TMC1: variants seen among roughly 807,000 people sequenced by gnomAD.
TMC1 encodes the protein transmembrane channel-like protein 1.
Under a neutral mutation model 105.8 loss-of-function variants are expected in TMC1, and 84 were observed. The ratio of observed to expected loss-of-function variants is 0.79; its 90% CI spans 0.67 to 0.95. The LOEUF is 0.95. TMC1 is among the 40% of genes least tolerant of loss of function. The pLI, the probability that TMC1 is intolerant of heterozygous loss-of-function variation, is 0.00. For synonymous variants in TMC1, 315 were observed against 311.5 expected (o/e 1.01, Z -0.12); for missense variants, 817 against 914.1 (o/e 0.89, Z 1.37).
intron 1 of TMC1, among the ~76,000 whole-genome samples, chr9:72,535,573 C>T (rs1237191683): frequency 2.6e-5 from 4 of 152,148 alleles, no homozygotes; most frequent in Admixed American, 1.3e-4. Context: ...AGCCACTCAT[C>T]CTGAGTTTTG....
chr9:72,796,236 C>T (rs1180787712), intron 17 of TMC1, among the ~76,000 whole-genome samples: 1 of 152,120 alleles, frequency 6.6e-6, no homozygotes, highest in African/African-American at 2.4e-5. Context: ...TAGGCTACCA[C>T]CACCCAATAA....
chr9:72,789,089 G>GTTTT, intron 14 of TMC1, 34 bp from the exon 15 acceptor site: 1 of 1,603,448 alleles, frequency 6.2e-7, no homozygotes, highest in Middle Eastern at 2.2e-4. Context: ...TCTATTTTGG[G>GTTTT]TTTTTGTTTG....
intron 12 of TMC1, among the ~76,000 whole-genome samples, chr9:72,767,981 A>C (rs1353233488): frequency 1.3e-5 from 2 of 152,218 alleles, no homozygotes; most frequent in African/African-American, 2.4e-5. Context: ...TTGTATTTAA[A>C]GCCATCCCTC....
intron 1 of TMC1, among the ~76,000 whole-genome samples, chr9:72,556,751 G>T (rs1441013007): frequency 6.6e-6 from 1 of 152,050 alleles, no homozygotes; most frequent in African/African-American, 2.4e-5. Flanking sequence ...GAACCTGGGA[G>T]GCGGAGGTTG....
rs150302726 is a variant in TMC1 at position 72,772,942 on chromosome 9, A to G, written c.884+387A>G. ...CTTGCAGAATCAGCTCAATAGGCAG[A>G]ATCTATTGTTCTCTGCTCATTTTTT... On this transcript the variant is annotated intron_variant, in intron 13 of 23. Transcript: ENST00000297784. 3.7e-4 allele frequency among the ~76,000 whole-genome samples: 57 copies of G among 152,294 alleles called. No individual in the cohort carries two copies. In the East Asian group the frequency reaches 6.8e-3, roughly 18 times the overall value.
chr9:72,545,149 C>T (rs1021943046), intron 1 of TMC1, among the ~76,000 whole-genome samples: 1 of 151,442 alleles, frequency 6.6e-6, no homozygotes, highest in Non-Finnish European at 1.5e-5. Flanking sequence ...CACACACACA[C>T]ACACACACAC....
intron 1 of TMC1, among the ~76,000 whole-genome samples, chr9:72,577,455 G>C (rs1367640682): frequency 2.0e-5 from 3 of 152,202 alleles, no homozygotes; most frequent in Non-Finnish European, 4.4e-5. Flanking sequence ...AATTAACACA[G>C]GTACTGGCAA....
At chr9:72,819,809 A>T (rs1460474000) in intron 19 of TMC1, among the ~76,000 whole-genome samples, 1 of 152,244 alleles carries the variant, frequency 6.6e-6, no homozygotes, top group Non-Finnish European at 1.5e-5. Flanking sequence ...CATTATAGAT[A>T]GGACAGTTTA....
chr9:72,640,059 TTAAG>T (rs1303330740), intron 4 of TMC1, among the ~76,000 whole-genome samples: 1 of 152,246 alleles, frequency 6.6e-6, no homozygotes, highest in Non-Finnish European at 1.5e-5. Context: ...TTTTTTTTAA[TTAAG>T]TGCTTAACAC....
At chr9:72,609,230 T>TTCCTTCCTTCCG (rs1824982435) in intron 2 of TMC1, among the ~76,000 whole-genome samples, 1 of 148,892 alleles carries the variant, frequency 6.7e-6, no homozygotes, top group African/African-American at 2.5e-5. Context: ...CCTTCCTTCC[T>TTCCTTCCTTCCG]TTTTGCTATT....
rs71359515 is a variant in TMC1, at chr9:72,685,100, C to CTTTTTTTTTT, written c.17-3594_17-3585dup. Among the ~76,000 whole-genome samples, 17 of 91,064 alleles carry CTTTTTTTTTT rather than the reference C, an allele frequency of 1.9e-4. 1 individual carries two copies. The highest frequency in any genetic ancestry group is 8.1e-4 in the African/African-American group (17 of 21,108). 59.7% of individuals were successfully genotyped at this position (91,064 alleles called of 152,430 possible). ...CAAACCTTACTGTTATAAAGTCATT[C>CTTTTTTTTTT]TTTTTTTTTTTTTTTTTTTTTTTTG... On this transcript the variant is annotated intron_variant, in intron 5 of 23. Coordinates refer to ENST00000297784, the MANE Select transcript of TMC1 (RefSeq NM_138691.3).
rs1189207416 is a variant in TMC1 at position 72,700,743 on chromosome 9, T to TACAC, written c.362+114_362+117dup. 5.0e-3 allele frequency: 718 copies of TACAC among 144,912 alleles called. 5 individuals carry two copies. The highest frequency in any genetic ancestry group is 0.026 in the African/African-American group (619 of 23,506). 9.0% of individuals were successfully genotyped at this position (144,912 alleles called of 1,614,324 possible). On this transcript the variant is annotated intron_variant, in intron 8 of 23. Transcript: ENST00000297784. Reference sequence around the variant, plus strand: ...ATATATATATATATATATATATATATACACACACACACACACATACACACA... The same window carrying TACAC: ...ATATATATATATATATATATATATATACACACACACACACACACACATACACACA...
chr9:72,538,318 C>T (rs1161470191), intron 1 of TMC1, among the ~76,000 whole-genome samples: 1 of 152,138 alleles, frequency 6.6e-6, no homozygotes, highest in Non-Finnish European at 1.5e-5. Context: ...CTCTACAGAA[C>T]ACTAACTTCC....
At chr9:72,684,772 CT>C (rs1159865780) in intron 5 of TMC1, among the ~76,000 whole-genome samples, 2 of 152,168 alleles carry the variant, frequency 1.3e-5, no homozygotes, top group African/African-American at 4.8e-5. Flanking sequence ...AGTCTTCCAT[CT>C]TCTTTTCCTG....
chr9:72,528,807 T>C (rs1189698996), intron 1 of TMC1, among the ~76,000 whole-genome samples: 2 of 152,192 alleles, frequency 1.3e-5, no homozygotes, highest in Non-Finnish European at 2.9e-5. Flanking sequence ...GCTTGCAGAC[T>C]GACCTTTAGT....
At chr9:72,657,380 T>C (rs1414287621) in intron 5 of TMC1, among the ~76,000 whole-genome samples, 1 of 152,248 alleles carries the variant, frequency 6.6e-6, no homozygotes, top group African/African-American at 2.4e-5. Flanking sequence ...TCTGGCTTTC[T>C]AGTTGCTTAA....
intron 5 of TMC1, among the ~76,000 whole-genome samples, chr9:72,652,597 T>G (rs1366748974): frequency 2.0e-5 from 3 of 152,168 alleles, no homozygotes; most frequent in African/African-American, 7.2e-5. Flanking sequence ...AGAAATAACC[T>G]GCAATGCGGA....
At chr9:72,712,925 CTTA>C (rs1185765136) in intron 8 of TMC1, among the ~76,000 whole-genome samples, 1 of 152,072 alleles carries the variant, frequency 6.6e-6, no homozygotes, top group Non-Finnish European at 1.5e-5. Flanking sequence ...ATAAATAGCT[CTTA>C]TTATTTTGAG....
intron 5 of TMC1, among the ~76,000 whole-genome samples, chr9:72,648,978 T>C (rs923648641): frequency 6.6e-6 from 1 of 152,214 alleles, no homozygotes; most frequent in African/African-American, 2.4e-5. Context: ...GCAACTCAAA[T>C]GCGGGCTTTA....
Sources: gnomAD v4.1 joint callset for allele counts (sites outside exome capture counted in the v4.1 genomes callset) on GRCh38, gnomAD v4.1.1 for gene constraint, MANE v1.5 for transcripts, NCBI Gene and HGNC (gene_info 2026-07-23, HGNC 2026-07-21) for gene names.